The following STX8 variants were observed in gnomAD, a reference collection of about 807,000 sequenced individuals.
STX8 encodes syntaxin-8.
In STX8, 23 loss-of-function variants were observed where a neutral mutation model predicts 37.5. That is an observed-to-expected ratio of 0.61 (90% CI 0.44 to 0.87). The LOEUF (loss-of-function observed/expected upper bound fraction) is 0.87. STX8 is among the 40% of genes least tolerant of loss of function. The probability of loss-of-function intolerance (pLI) is 0.00; values close to 1 mark genes in which losing one functional copy is unlikely to be tolerated. For synonymous variants in STX8, 115 were observed against 99.1 expected, an observed-to-expected ratio of 1.16 and a Z score of -0.95; for missense variants, 313 against 284.7, an observed-to-expected ratio of 1.10 and a Z score of -0.71.
chr17:9,256,784 G>A (rs1394062331), intron 7 of STX8, among the ~76,000 whole-genome samples: 1 of 152,156 alleles, frequency 6.6e-6, no homozygotes, highest in African/African-American at 2.4e-5. Flanking sequence ...CCTGCCGGAG[G>A]GACATGGGAC....
intron 6 of STX8, among the ~76,000 whole-genome samples, chr17:9,387,260 A>G (rs1163551106): frequency 6.6e-6 from 1 of 152,132 alleles, no homozygotes; most frequent in African/African-American, 2.4e-5. Context: ...CATTGAACAC[A>G]GCTGAGTTTA....
At chr17:9,396,775 T>C (rs568104336) in intron 6 of STX8, among the ~76,000 whole-genome samples, 1 of 151,002 alleles carries the variant, frequency 6.6e-6, no homozygotes, top group South Asian at 2.1e-4. Context: ...ATTATGCATG[T>C]ATCAAAATCC....
In STX8 at chr17:9,256,669, A is replaced by G. The variant is rs561665551; in HGVS notation, c.644-6024T>C. On this transcript the variant is annotated intron_variant, in intron 7 of 7. Coordinates refer to ENST00000306357, the MANE Select transcript of STX8 (RefSeq NM_004853.3). ...ACACACACACTCCCCCACTACCCAC[A>G]TAACCACAGAGGGTCTGACGGTTCC... Among the ~76,000 whole-genome samples, 48 of 152,310 alleles carry G rather than the reference A, an allele frequency of 3.2e-4. No individual in the cohort carries two copies. In the South Asian group the frequency reaches 9.5e-3, roughly 30 times the overall value.
intron 7 of STX8, among the ~76,000 whole-genome samples, chr17:9,284,937 G>C (rs1467992488): frequency 1.3e-5 from 2 of 152,092 alleles, no homozygotes; most frequent in African/African-American, 4.8e-5. Flanking sequence ...GTCATGGGTG[G>C]GGCTTGCTTT....
intron 4 of STX8, among the ~76,000 whole-genome samples, chr17:9,535,301 T>C (rs879623887): frequency 1.3e-5 from 2 of 152,014 alleles, no homozygotes; most frequent in Non-Finnish European, 2.9e-5. Flanking sequence ...GAAAGACTGT[T>C]GGAAAACAGG....
chr17:9,512,004 G>A (rs139189530), intron 4 of STX8, among the ~76,000 whole-genome samples: 6 of 151,652 alleles, frequency 4.0e-5, no homozygotes, highest in East Asian at 1.9e-4. Context: ...CAATCCCCCC[G>A]CCAAAATTAC....
At chr17:9,502,558 A>G (rs1047716350) in intron 5 of STX8, among the ~76,000 whole-genome samples, 1 of 152,206 alleles carries the variant, frequency 6.6e-6, no homozygotes, top group Non-Finnish European at 1.5e-5. Flanking sequence ...TATAATTTTT[A>G]CTTGCAAATT....
At chr17:9,568,652 T>C (rs951701024) in intron 1 of STX8, among the ~76,000 whole-genome samples, 182 bp from the exon 2 acceptor site, 1 of 152,118 alleles carries the variant, frequency 6.6e-6, no homozygotes, top group African/African-American at 2.4e-5. Flanking sequence ...AGGCGCCCGC[T>C]ATCATGCCTG....
intron 6 of STX8, among the ~76,000 whole-genome samples, chr17:9,425,230 G>A (rs1489958388): frequency 1.3e-5 from 2 of 152,138 alleles, no homozygotes; most frequent in African/African-American, 4.8e-5. Flanking sequence ...ACACTGTACA[G>A]AGAAAGAATG....
intron 7 of STX8, among the ~76,000 whole-genome samples, chr17:9,358,688 T>C (rs1049581150): frequency 6.6e-6 from 1 of 152,108 alleles, no homozygotes; most frequent in Non-Finnish European, 1.5e-5. Flanking sequence ...GTGCTAGGAA[T>C]GCTGGCTGAA....
At chr17:9,348,120 T>C (rs1007404072) in intron 7 of STX8, among the ~76,000 whole-genome samples, 1 of 152,096 alleles carries the variant, frequency 6.6e-6, no homozygotes, top group Non-Finnish European at 1.5e-5. Context: ...CTTTTACATA[T>C]GAACATTGTA....
intron 6 of STX8, among the ~76,000 whole-genome samples, chr17:9,417,918 T>C (rs1913257736): frequency 6.6e-6 from 1 of 152,226 alleles, no homozygotes; most frequent in African/African-American, 2.4e-5. Flanking sequence ...GGGACACTTC[T>C]GGACCTTGCC....
At chr17:9,573,720 A>G (rs1907781941) in intron 1 of STX8, among the ~76,000 whole-genome samples, 1 of 152,176 alleles carries the variant, frequency 6.6e-6, no homozygotes, top group Non-Finnish European at 1.5e-5. Flanking sequence ...CTTGAGCCCA[A>G]CAGTTCTATT....
chr17:9,417,234 G>A (rs143179963), intron 6 of STX8, among the ~76,000 whole-genome samples: 92 of 152,270 alleles, frequency 6.0e-4, no homozygotes, highest in African/African-American at 2.0e-3. Context: ...CAGTGAATTG[G>A]TTTTGTCTGT....
intron 3 of STX8, among the ~76,000 whole-genome samples, chr17:9,549,041 G>C (rs989214532): frequency 1.3e-5 from 2 of 152,020 alleles, no homozygotes; most frequent in African/African-American, 4.8e-5. Flanking sequence ...ATAGTCAAAG[G>C]AATTTTATGT....
At chr17:9,289,075 G>A (rs1204447610) in intron 7 of STX8, among the ~76,000 whole-genome samples, 1 of 152,214 alleles carries the variant, frequency 6.6e-6, no homozygotes, top group Non-Finnish European at 1.5e-5. Flanking sequence ...GAATCAGACA[G>A]GCACTGGACT....
chr17:9,546,426 T>C (rs9911154), intron 3 of STX8, among the ~76,000 whole-genome samples: 53,967 of 150,006 alleles, frequency 0.36, 9,944 homozygotes, highest in South Asian at 0.48. Flanking sequence ...CTGGGAAATG[T>C]AGTCTTTGGA....
At chr17:9,287,752 A>T (rs115887008) in intron 7 of STX8, among the ~76,000 whole-genome samples, 2 of 151,602 alleles carry the variant, frequency 1.3e-5, no homozygotes, top group African/African-American at 4.8e-5. Flanking sequence ...GTCTTTTTAC[A>T]TTCTTTTTTT....
At chr17:9,485,576 T>C (rs1348674134) in intron 6 of STX8, among the ~76,000 whole-genome samples, 2 of 138,086 alleles carry the variant, frequency 1.4e-5, no homozygotes, top group Non-Finnish European at 3.1e-5. Context: ...TTTGTTTTTG[T>C]TTTTTTGTTT....
Sources: gnomAD v4.1 joint callset for allele counts (sites outside exome capture counted in the v4.1 genomes callset) on GRCh38, gnomAD v4.1.1 for gene constraint, MANE v1.5 for transcripts, NCBI Gene and HGNC (gene_info 2026-07-23, HGNC 2026-07-21) for gene names.